The following BMP3 variants were observed in gnomAD, a reference collection of about 807,000 sequenced individuals.
BMP3 encodes bone morphogenetic protein 3 (osteogenic).
Under a neutral mutation model 38.1 loss-of-function variants are expected in BMP3, and 23 were observed. That is an observed-to-expected ratio of 0.60 (90% confidence interval 0.43 to 0.86). The LOEUF (loss-of-function observed/expected upper bound fraction) is 0.86, where lower values mean the gene tolerates loss of function less well. BMP3 is among the 40% of genes least tolerant of loss of function. BMP3 has a pLI of 0.00. For missense variants in BMP3, 628 were observed against 579.6 expected (o/e 1.08, Z -0.86); for synonymous variants, 258 against 225.7 (o/e 1.14, Z -1.28).
At position 81,053,251 on chromosome 4, in the gene BMP3, A is replaced by G. The variant is rs1740442837; in HGVS notation, c.1228-94A>G. The G allele has an allele frequency of 3.1e-6, 3 of 952,652 alleles. No homozygotes were observed. The East Asian group carries it at 8.6e-5, about 27-fold the overall frequency. 59.0% of individuals were successfully genotyped at this position (952,652 alleles called of 1,614,324 possible). ...GAGGTTTTATTAAATTGTTGAAACA[A>G]ATTCATTAGATAAGCATTTTGTGTA... is the stretch of plus-strand genomic sequence containing the variant. On this transcript the variant is annotated intron_variant, in intron 2 of 2. Transcript: ENST00000282701.
chr4:81,046,692 A>G (rs1211280694), intron 2 of BMP3, 44 bp downstream of exon 2: 3 of 1,545,658 alleles, frequency 1.9e-6, no homozygotes, highest in East Asian at 2.3e-5. Context: ...TATTTCCATT[A>G]GTAGAAAGAC....
intron 2 of BMP3, among the ~76,000 whole-genome samples, chr4:81,051,122 G>C (rs555311711): frequency 6.6e-6 from 1 of 152,046 alleles, no homozygotes; most frequent in South Asian, 2.1e-4. Context: ...GAGCCCACTA[G>C]AGACTACTCA....
Position 81,055,964 on chromosome 4 carries a change from A to G in BMP3, c.*2428A>G, listed in dbSNP as rs1004902804. ...CATTTTACTAATGAATTGAGGATGT[A>G]TTATGGTTTAAATTGGAAGAGTTTT... On this transcript the variant is annotated 3_prime_UTR_variant, in exon 3 of 3. Coordinates refer to ENST00000282701, the MANE Select transcript of BMP3 (RefSeq NM_001201.5). The G allele has an allele frequency of 4.6e-5, 7 of 152,168 alleles. No homozygotes were observed. The highest frequency in any genetic ancestry group is 1.4e-4 in the African/African-American group (6 of 41,454). The allele number at this position is 152,168 out of a possible 1,614,324, so 9.4% of individuals were successfully genotyped here.
chr4:81,053,427 G>A lies in BMP3; in HGVS notation c.1310G>A (p.Cys437Tyr). ...GVVPGIPEPC[C>Y]VPEKMSSLSI... ...GTTCCTGGGATTCCTGAGCCTTGCT[G>A]TGTACCAGAAAAGATGTCCTCACTC... Residue 437 changes from cysteine (C) to tyrosine (Y), a missense_variant, in exon 3 of 3, where the codon TGT (cysteine) becomes TAT (tyrosine). Cys to Tyr is a radical substitution (Grantham distance 194). Transcript: ENST00000282701. 6.2e-7 allele frequency: 1 copy of A among 1,611,916 alleles called. No homozygotes were observed. The highest frequency in any genetic ancestry group is 8.5e-7 in the Non-Finnish European group (1 of 1,178,988).
rs771787151 is a variant in BMP3 at position 81,053,476 on chromosome 4, T to C, written c.1359T>C (p.Asn453=). The C allele has an allele frequency of 8.1e-6, 13 of 1,609,416 alleles. No homozygotes were observed. The South Asian group carries it at 1.4e-4, about 18-fold the overall frequency. The part of the protein sequence containing the change: ...SSLSILFFDE[N]KNVVLKVYPN... ...TCAGTATTTTATTCTTTGATGAAAATAAGAATGTAGTGCTTAAAGTATACC... is the reference window on the plus strand; with the variant it reads ...TCAGTATTTTATTCTTTGATGAAAACAAGAATGTAGTGCTTAAAGTATACC... Residue 453 remains asparagine (N), a synonymous_variant, in exon 3 of 3, where the codon AAT becomes AAC. Coordinates refer to ENST00000282701, the MANE Select transcript of BMP3 (RefSeq NM_001201.5).
At chr4:81,052,009 T>A (rs77958746) in intron 2 of BMP3, among the ~76,000 whole-genome samples, 14,394 of 152,088 alleles carry the variant, frequency 0.095, 771 homozygotes, top group Middle Eastern at 0.15. Context: ...TTTCTTTTTT[T>A]TTTTAAGAGT....
intron 1 of BMP3, among the ~76,000 whole-genome samples, chr4:81,035,913 T>C (rs1739910635): frequency 6.6e-6 from 1 of 151,982 alleles, no homozygotes; most frequent in African/African-American, 2.4e-5. Context: ...AGATGTCTAG[T>C]TGGGAAAACA....
rs185712045 is a variant in BMP3 at position 81,040,237 on chromosome 4, C to T, written c.317-5501C>T. ...GTGCCAGCAAACAGTAAGAAAATAG[C>T]ACCACCTATTGGTAGTCACATTTTG... On this transcript the variant is annotated intron_variant, in intron 1 of 2. Transcript: ENST00000282701. Among the ~76,000 whole-genome samples the T allele has an allele frequency of 5.2e-4, 79 of 152,302 alleles. No individual in the cohort carries two copies. The East Asian group carries it at 0.015, about 28-fold the overall frequency.
intron 1 of BMP3, among the ~76,000 whole-genome samples, chr4:81,038,862 C>T (rs993072638): frequency 1.3e-5 from 2 of 152,254 alleles, no homozygotes; most frequent in South Asian, 4.1e-4. Context: ...ATAGGTCTGC[C>T]CTCTCAGCAC....
At chr4:81,051,042 C>A (rs547532990) in intron 2 of BMP3, among the ~76,000 whole-genome samples, 1 of 151,706 alleles carries the variant, frequency 6.6e-6, no homozygotes, top group East Asian at 1.9e-4. Flanking sequence ...GGGGAAACTT[C>A]CTAGTAATCT....
chr4:81,032,211 A>AAC (rs1739796338), intron 1 of BMP3, among the ~76,000 whole-genome samples: 2 of 146,572 alleles, frequency 1.4e-5, no homozygotes, highest in African/African-American at 2.6e-5. Context: ...AAAAAAAAAA[A>AAC]AAAAAAAAAC....
Position 81,040,296 on chromosome 4 carries a change from A to G in BMP3, c.317-5442A>G, listed in dbSNP as rs149501029. Among the ~76,000 whole-genome samples, 359 of 152,302 alleles carry G rather than the reference A, an allele frequency of 2.4e-3. 2 individuals carry two copies. The highest frequency in any genetic ancestry group is 7.9e-3 in the African/African-American group (329 of 41,560). On this transcript the variant is annotated intron_variant, in intron 1 of 2. Coordinates refer to ENST00000282701, the MANE Select transcript of BMP3 (RefSeq NM_001201.5). ...ATATTTCTTTGGGGAAAGCTAGAAA[A>G]CAAAGCCGGTTATAGTTACTTGCAA...
At position 81,048,802 on chromosome 4, in the gene BMP3, C is replaced by A. The variant is rs74481599; in HGVS notation, c.1227+2154C>A. Reference sequence around the variant, plus strand: ...AGCAGGGCATCTTAAACCTTAATGTCCTGGCAAATTGCCCTGGATTTAGTT... The same window carrying A: ...AGCAGGGCATCTTAAACCTTAATGTACTGGCAAATTGCCCTGGATTTAGTT... On this transcript the variant is annotated intron_variant, in intron 2 of 2. Transcript: ENST00000282701. Among the ~76,000 whole-genome samples the A allele has an allele frequency of 2.8e-3, 431 of 152,322 alleles. 3 individuals carry two copies. Among genetic ancestry groups the A allele is most frequent in the South Asian group, 0.011 (53 of 4,826 alleles).
At chr4:81,036,168 C>T (rs1045121020) in intron 1 of BMP3, among the ~76,000 whole-genome samples, 7 of 151,876 alleles carry the variant, frequency 4.6e-5, no homozygotes, top group African/African-American at 1.7e-4. Flanking sequence ...CATTGTTTCA[C>T]ACAGGTATTA....
At chr4:81,035,678 T>C (rs982729665) in intron 1 of BMP3, among the ~76,000 whole-genome samples, 15 of 152,196 alleles carry the variant, frequency 9.9e-5, no homozygotes, top group Admixed American at 2.6e-4. Flanking sequence ...CAAAACCTAT[T>C]ATTTTTAATA....
Position 81,031,538 on chromosome 4 carries a change from C to T in BMP3, c.254C>T (p.Pro85Leu). ...TPGSLEGGSQ[P>L]WRPRLLREGN... ...GGCTCCCTGGAGGGAGGCTCGCAGCCCTGGCGCCCTCGGCTCCTGCGCGAA... is the reference window on the plus strand; with the variant it reads ...GGCTCCCTGGAGGGAGGCTCGCAGCTCTGGCGCCCTCGGCTCCTGCGCGAA... Residue 85 changes from proline to leucine, a missense_variant, in exon 1 of 3, where the codon CCC (proline) becomes CTC (leucine). Coordinates refer to ENST00000282701, the MANE Select transcript of BMP3 (RefSeq NM_001201.5). 3 of 1,610,950 alleles carry T rather than the reference C, an allele frequency of 1.9e-6. No individual in the cohort carries two copies. Among genetic ancestry groups the T allele is most frequent in the Non-Finnish European group, 2.5e-6 (3 of 1,179,110 alleles).
At position 81,030,897 on chromosome 4, in the gene BMP3, C is replaced by G. The variant is rs1373464271; in HGVS notation, c.-388C>G. ...ACCTGGCGCCCAAAACAGAGCTAGT[C>G]CTAGTCCCTCGCGCGGCCAGTTTGG... is the stretch of plus-strand genomic sequence containing the variant. On this transcript the variant is annotated 5_prime_UTR_variant, in exon 1 of 3. Coordinates refer to ENST00000282701, the MANE Select transcript of BMP3 (RefSeq NM_001201.5). 4.6e-6 allele frequency: 1 copy of G among 215,126 alleles called. No homozygotes were observed. The highest frequency in any genetic ancestry group is 1.5e-4 in the East Asian group (1 of 6,708). 13.3% of individuals were successfully genotyped at this position (215,126 alleles called of 1,614,324 possible).
At chr4:81,044,627 T>G (rs1191645560) in intron 1 of BMP3, among the ~76,000 whole-genome samples, 1 of 152,266 alleles carries the variant, frequency 6.6e-6, no homozygotes, top group African/African-American at 2.4e-5. Context: ...GAGTTTCTTT[T>G]CATTAGCCCC....
chr4:81,048,527 C>T (rs1476879378), intron 2 of BMP3, among the ~76,000 whole-genome samples: 1 of 152,184 alleles, frequency 6.6e-6, no homozygotes, highest in African/African-American at 2.4e-5. Flanking sequence ...GAACCTCTAG[C>T]TCTGGAGAAT....
Sources: gnomAD v4.1 joint callset for allele counts (sites outside exome capture counted in the v4.1 genomes callset) on GRCh38, gnomAD v4.1.1 for gene constraint, MANE v1.5 for transcripts, NCBI Gene and HGNC (gene_info 2026-07-23, HGNC 2026-07-21) for gene names.